Variants in PIK3CD observed in about 807,000 individuals in gnomAD.
PIK3CD encodes the protein phosphatidylinositol 4,5-bisphosphate 3-kinase catalytic subunit delta isoform.
In PIK3CD, 20 loss-of-function variants were observed where a neutral mutation model predicts 122.9. That is an observed-to-expected ratio of 0.16 (90% CI 0.11 to 0.24). The LOEUF is 0.24. Ranked by LOEUF, PIK3CD falls within the 10% of genes least tolerant of loss-of-function variation. The pLI, the probability that PIK3CD is intolerant of heterozygous loss-of-function variation, is 1.00. For missense variants in PIK3CD, 787 were observed against 1,406.3 expected, an observed-to-expected ratio of 0.56 and a Z score of 7.04; for synonymous variants, 596 against 593.4, an observed-to-expected ratio of 1.00 and a Z score of -0.06.
At chr1:9,637,226 C>T in the PIK3CD span, among the ~76,000 whole-genome samples, 1 of 152,112 alleles carries the variant, frequency 6.6e-6, no homozygotes. Context: ...ATTTTATTGG[C>T]TGCATAATAA....
intron 1 of PIK3CD, among the ~76,000 whole-genome samples, chr1:9,659,022 A>G (rs1644937951): frequency 6.6e-6 from 1 of 152,224 alleles, no homozygotes; most frequent in Admixed American, 6.5e-5. Flanking sequence ...GTCATGTATC[A>G]TCATCCCTCT....
chr1:9,640,063 T>C, the PIK3CD span, among the ~76,000 whole-genome samples: 1 of 152,008 alleles, frequency 6.6e-6, no homozygotes, highest in Non-Finnish European at 1.5e-5. Flanking sequence ...TTTCTTTCAT[T>C]GCTCAAGTTG....
chr1:9,670,418 G>T (rs568230197), intron 1 of PIK3CD, among the ~76,000 whole-genome samples: 1 of 152,252 alleles, frequency 6.6e-6, no homozygotes, highest in Admixed American at 6.5e-5. Flanking sequence ...GATGTGAATG[G>T]CTCCATTTCT....
chr1:9,710,459 C>T lies in PIK3CD; in HGVS notation c.4C>T (p.Pro2Ser). 2 of 1,613,946 alleles carry T rather than the reference C, an allele frequency of 1.2e-6. No individual in the cohort carries two copies. The highest frequency in any genetic ancestry group is 1.7e-6 in the Non-Finnish European group (2 of 1,179,892). The part of the protein sequence containing the change: M[P>S]PGVDCPMEFW... ...ATCTGGGAAGTAACAACGCAGGATG[C>T]CCCCTGGGGTGGACTGCCCCATGGA... Residue 2 changes from proline to serine, a missense_variant, in exon 3 of 24, where the codon CCC becomes TCC. Pro to Ser is a moderately conservative substitution (Grantham distance 74, BLOSUM62 -1). Coordinates refer to ENST00000377346, the MANE Select transcript of PIK3CD (RefSeq NM_005026.5). The surrounding 1 kb of genome is among the most constrained non-coding windows in gnomAD (Gnocchi z 4.7).
intron 1 of PIK3CD, chr1:9,653,333 C>A: frequency 5.8e-6 from 1 of 172,948 alleles, no homozygotes; most frequent in Non-Finnish European, 1.3e-5. Flanking sequence ...TTCAGCTGGA[C>A]AACTGTAGGA....
Position 9,722,715 on chromosome 1 carries a change from A to G in PIK3CD, c.2426+109A>G. 1 of 965,850 alleles carries G rather than the reference A, an allele frequency of 1.0e-6. No homozygotes were observed. The highest frequency in any genetic ancestry group is 1.6e-6 in the Non-Finnish European group (1 of 608,644). 59.8% of individuals were successfully genotyped at this position (965,850 alleles called of 1,614,324 possible). A position where few individuals can be genotyped will look rare whatever the true frequency, so the allele number is the denominator to read the frequency against. ...TGGCATGACCATCTCAGCCGGGGAA[A>G]GGGCTTTCCTAGGAAGACCCGGAGG... is the stretch of plus-strand genomic sequence containing the variant. On this transcript the variant is annotated intron_variant, in intron 19 of 23. Transcript: ENST00000377346. This position sits in a 1 kb window ranked among gnomAD's most constrained non-coding sequence, Gnocchi z 7.6.
At chr1:9,702,537 T>TTTTTTTG (rs1646683763) in intron 2 of PIK3CD, among the ~76,000 whole-genome samples, 11 of 127,092 alleles carry the variant, frequency 8.7e-5, no homozygotes, top group African/African-American at 1.2e-4. Flanking sequence ...TTTTTTTTTT[T>TTTTTTTG]GAGGCAGAGT....
At chr1:9,721,103 A>C (rs1321150337) in intron 13 of PIK3CD, 24 bp from the exon 14 acceptor site, 7 of 1,575,050 alleles carry the variant, frequency 4.4e-6, no homozygotes, top group East Asian at 2.3e-5. Context: ...GGCCGCCCCC[A>C]AGCCTGACCT....
chr1:9,685,885 C>T (rs1402461233), intron 1 of PIK3CD, among the ~76,000 whole-genome samples: 1 of 152,146 alleles, frequency 6.6e-6, no homozygotes, highest in Non-Finnish European at 1.5e-5. Context: ...TGACTTTAGC[C>T]TTCCTGGTCT....
chr1:9,699,669 T>C (rs1042501114), intron 2 of PIK3CD, among the ~76,000 whole-genome samples: 2 of 152,000 alleles, frequency 1.3e-5, no homozygotes, highest in Admixed American at 6.6e-5. Context: ...CAATCTTGGC[T>C]CACTGCAACC....
At chr1:9,692,900 C>T (rs1188519006) in intron 2 of PIK3CD, among the ~76,000 whole-genome samples, 1 of 152,154 alleles carries the variant, frequency 6.6e-6, no homozygotes, top group Non-Finnish European at 1.5e-5. Flanking sequence ...AACCCCAGCG[C>T]TCCCCTGCAC....
chr1:9,683,301 G>C (rs921862914), intron 1 of PIK3CD, among the ~76,000 whole-genome samples: 3 of 151,746 alleles, frequency 2.0e-5, no homozygotes, highest in Middle Eastern at 3.2e-3. Context: ...AGCCGGGTGT[G>C]GTGGCGGGAA....
intron 23 of PIK3CD, among the ~76,000 whole-genome samples, chr1:9,726,074 ATGG>A (rs566337637): frequency 2.1e-4 from 32 of 150,292 alleles, no homozygotes; most frequent in African/African-American, 7.8e-4. Flanking sequence ...TCAGCCAGGC[ATGG>A]TGGCACATGC....
chr1:9,706,179 G>C (rs1026371725), intron 2 of PIK3CD, among the ~76,000 whole-genome samples: 1 of 150,458 alleles, frequency 6.6e-6, no homozygotes, highest in Non-Finnish European at 1.5e-5. Flanking sequence ...GAGCCACTGC[G>C]ACCAGCCTTA....
intron 1 of PIK3CD, among the ~76,000 whole-genome samples, chr1:9,655,955 C>T (rs1447007690): frequency 6.6e-6 from 1 of 152,150 alleles, no homozygotes; most frequent in Non-Finnish European, 1.5e-5. Context: ...CCTTGGCCTC[C>T]CAGAGCGCTA....
Position 9,727,423 on chromosome 1 carries a change from T to C in PIK3CD, c.*377T>C, listed in dbSNP as rs1362514162. On this transcript the variant is annotated 3_prime_UTR_variant, in exon 24 of 24. Coordinates refer to ENST00000377346, the MANE Select transcript of PIK3CD (RefSeq NM_005026.5). ...TGGGTCCTGGCGCCTGGCGGTCACC[T>C]GGTGCCTACTGTCCGACAGGATGCC... 5 of 411,906 alleles carry C rather than the reference T, an allele frequency of 1.2e-5. No homozygotes were observed. Among genetic ancestry groups the C allele is most frequent in the African/African-American group, 1.0e-4 (5 of 49,604 alleles). The allele number at this position is 411,906 out of a possible 1,614,324, so 25.5% of individuals were successfully genotyped here. A position where few individuals can be genotyped will look rare whatever the true frequency, so the allele number is the denominator to read the frequency against.
Position 9,722,190 on chromosome 1 carries a change from C to G in PIK3CD, c.2234+37C>G, listed in dbSNP as rs575029798. ...CCCCGCCACAAGGGTTCCTCCCACC[C>G]CTGGGAGGCCGGTAGAGGAGCCCCT... On this transcript the variant is annotated intron_variant, in intron 17 of 23. Coordinates refer to ENST00000377346, the MANE Select transcript of PIK3CD (RefSeq NM_005026.5). This position sits in a 1 kb window ranked among gnomAD's most constrained non-coding sequence, Gnocchi z 7.6. The G allele has an allele frequency of 6.2e-7, 1 of 1,611,244 alleles. No individual in the cohort carries two copies. The highest frequency in any genetic ancestry group is 2.2e-5 in the East Asian group (1 of 44,640).
At chr1:9,666,217 C>T (rs554953162) in intron 1 of PIK3CD, among the ~76,000 whole-genome samples, 2 of 144,106 alleles carry the variant, frequency 1.4e-5, no homozygotes, top group Admixed American at 7.2e-5. Flanking sequence ...CATGAGCCAC[C>T]GCGCCCGGTC....
the PIK3CD span, among the ~76,000 whole-genome samples, chr1:9,639,285 A>T: frequency 3.7e-3 from 563 of 152,100 alleles, 1 homozygote; most frequent in African/African-American, 0.013. Context: ...GCTTTTCAAG[A>T]TAGAGGGCTA....
Sources: gnomAD v4.1 joint callset for allele counts (sites outside exome capture counted in the v4.1 genomes callset) on GRCh38, gnomAD v4.1.1 for gene constraint, Gnocchi (gnomAD v3.1) non-coding constraint, MANE v1.5 for transcripts, NCBI Gene and HGNC (gene_info 2026-07-23, HGNC 2026-07-21) for gene names.